GMDS: variants seen among roughly 807,000 people sequenced by gnomAD.
GMDS encodes GDP-mannose 4,6 dehydratase.
Under a neutral mutation model 49.9 loss-of-function variants are expected in GMDS, and 20 were observed. The observed-to-expected ratio is 0.40, with a 90% CI of 0.28 to 0.58. The LOEUF (loss-of-function observed/expected upper bound fraction) is 0.58, where lower values mean the gene tolerates loss of function less well. GMDS is among the 20% of genes least tolerant of loss of function. GMDS has a pLI of 0.42. For missense variants in GMDS, 362 were observed against 481.4 expected (o/e 0.75, Z 2.32); for synonymous variants, 177 against 178.6 (o/e 0.99, Z 0.07).
At chr6:1,864,645 A>G (rs1482065978) in intron 7 of GMDS, among the ~76,000 whole-genome samples, 1 of 152,214 alleles carries the variant, frequency 6.6e-6, no homozygotes, top group Non-Finnish European at 1.5e-5. Context: ...TCAGGATAAA[A>G]TGGGAAAAAT....
intron 7 of GMDS, among the ~76,000 whole-genome samples, chr6:1,768,657 T>C (rs952309663): frequency 6.6e-6 from 1 of 152,388 alleles, no homozygotes; most frequent in Non-Finnish European, 1.5e-5. Context: ...CCAAAGGACA[T>C]GCTCATTGGA....
At chr6:2,140,052 G>A (rs550581688) in intron 1 of GMDS, among the ~76,000 whole-genome samples, 9 of 152,232 alleles carry the variant, frequency 5.9e-5, no homozygotes, top group Admixed American at 5.9e-4. Context: ...GCTAAAAAAT[G>A]GCCCCCAAAA....
At chr6:1,794,641 T>C (rs939481249) in intron 7 of GMDS, among the ~76,000 whole-genome samples, 4 of 152,214 alleles carry the variant, frequency 2.6e-5, no homozygotes, top group African/African-American at 9.6e-5. Context: ...TTTTCAAAAC[T>C]TCCTCTCAAC....
intron 4 of GMDS, among the ~76,000 whole-genome samples, chr6:2,025,491 C>T (rs1768539867): frequency 6.6e-6 from 1 of 151,024 alleles, no homozygotes; most frequent in Non-Finnish European, 1.5e-5. Flanking sequence ...AACCAATACA[C>T]ATGCACACAC....
intron 9 of GMDS, among the ~76,000 whole-genome samples, chr6:1,663,826 C>CT (rs763470508): frequency 7.0e-4 from 106 of 152,256 alleles, no homozygotes; most frequent in Non-Finnish European, 1.2e-3. Flanking sequence ...CTTTACCCTG[C>CT]TTTATTTTTC....
intron 4 of GMDS, among the ~76,000 whole-genome samples, chr6:2,047,681 G>T (rs961885707): frequency 2.0e-5 from 3 of 151,926 alleles, no homozygotes; most frequent in South Asian, 2.1e-4. Context: ...TAGAGATGGG[G>T]TCTCGCCATG....
chr6:1,776,228 C>T lies in GMDS; in HGVS notation c.772-33642G>A, dbSNP rs141906124. On this transcript the variant is annotated intron_variant, in intron 7 of 10. Transcript: ENST00000380815. ...GAATAAAGACCATTTCTCTTTCCAT[C>T]GAGTTTGGAAAGTCAGAGGACAGTT... Among the ~76,000 whole-genome samples, 1,003 of 152,316 alleles carry T rather than the reference C, an allele frequency of 6.6e-3. 10 individuals are homozygous for T. Among genetic ancestry groups the T allele is most frequent in the African/African-American group, 0.023 (942 of 41,574 alleles).
intron 6 of GMDS, 165 bp from the exon 7 acceptor site, chr6:1,930,395 G>A (rs1450865681): frequency 1.8e-6 from 1 of 544,160 alleles, no homozygotes; most frequent in African/African-American, 1.9e-5. Context: ...ATCATTAACT[G>A]TCATTTAGAC....
chr6:2,033,870 C>T (rs1769120932), intron 4 of GMDS, among the ~76,000 whole-genome samples: 1 of 152,146 alleles, frequency 6.6e-6, no homozygotes, highest in African/African-American at 2.4e-5. Context: ...CAAAATGTTT[C>T]TAATATGGCC....
chr6:1,912,274 G>A (rs776017258), intron 7 of GMDS, among the ~76,000 whole-genome samples: 13 of 152,142 alleles, frequency 8.5e-5, no homozygotes, highest in Non-Finnish European at 1.3e-4. Flanking sequence ...GCTGAGGCAC[G>A]ACAATGGCTT....
chr6:1,662,439 G>C (rs1445382317), intron 9 of GMDS, among the ~76,000 whole-genome samples: 1 of 152,122 alleles, frequency 6.6e-6, no homozygotes, highest in Non-Finnish European at 1.5e-5. Context: ...GTGTGTGCTG[G>C]GGGCTCCACT....
intron 9 of GMDS, among the ~76,000 whole-genome samples, chr6:1,681,751 G>A (rs989290366): frequency 3.9e-5 from 6 of 152,252 alleles, no homozygotes; most frequent in African/African-American, 1.4e-4. Context: ...CTGGAGTGCA[G>A]TGGCACGATC....
chr6:1,723,983 C>A (rs919788434), intron 9 of GMDS, among the ~76,000 whole-genome samples: 1 of 152,150 alleles, frequency 6.6e-6, no homozygotes, highest in Admixed American at 6.5e-5. Context: ...AATATTCTCA[C>A]CCCTGAGGCA....
At chr6:1,797,098 G>A (rs945164420) in intron 7 of GMDS, among the ~76,000 whole-genome samples, 3 of 152,196 alleles carry the variant, frequency 2.0e-5, no homozygotes, top group Admixed American at 1.3e-4. Context: ...GCCTGCAAGC[G>A]AGCATTACTG....
At chr6:1,975,739 G>A (rs974769818) in intron 4 of GMDS, among the ~76,000 whole-genome samples, 48 of 152,262 alleles carry the variant, frequency 3.2e-4, no homozygotes, top group Non-Finnish European at 2.4e-4. Flanking sequence ...ACCATTTGAA[G>A]ACAATGCATT....
intron 4 of GMDS, among the ~76,000 whole-genome samples, chr6:2,094,990 A>G (rs548828718): frequency 6.6e-6 from 1 of 152,274 alleles, no homozygotes; most frequent in East Asian, 1.9e-4. Flanking sequence ...TTTTCTCACT[A>G]AGAATCAAAT....
At position 1,766,772 on chromosome 6, in the gene GMDS, C is replaced by T. The variant is rs998946946; in HGVS notation, c.772-24186G>A. ...TGCACATCGAACATGCTAAAAACTG[C>T]GTTATGTTTTTTAAAAACCCAACAA... is the stretch of plus-strand genomic sequence containing the variant. On this transcript the variant is annotated intron_variant, in intron 7 of 10. Coordinates refer to ENST00000380815, the MANE Select transcript of GMDS (RefSeq NM_001500.4). This position sits in a 1 kb window ranked among gnomAD's most constrained non-coding sequence, Gnocchi z 4.5. 5.3e-5 allele frequency among the ~76,000 whole-genome samples: 8 copies of T among 152,190 alleles called. No individual in the cohort carries two copies. Among genetic ancestry groups the T allele is most frequent in the South Asian group, 4.1e-4 (2 of 4,832 alleles).
chr6:2,112,088 A>G (rs1774579365), intron 4 of GMDS, among the ~76,000 whole-genome samples: 2 of 152,208 alleles, frequency 1.3e-5, no homozygotes. Flanking sequence ...CAGCATAAAC[A>G]GTGGTATGGA....
chr6:2,235,519 A>ATC (rs1781316072), intron 1 of GMDS, among the ~76,000 whole-genome samples: 1 of 152,078 alleles, frequency 6.6e-6, no homozygotes, highest in Non-Finnish European at 1.5e-5. Flanking sequence ...TAAGAGGAAA[A>ATC]CTGGGGCCAG....
Sources: gnomAD v4.1 joint callset for allele counts (sites outside exome capture counted in the v4.1 genomes callset) on GRCh38, gnomAD v4.1.1 for gene constraint, Gnocchi (gnomAD v3.1) non-coding constraint, MANE v1.5 for transcripts, NCBI Gene and HGNC (gene_info 2026-07-23, HGNC 2026-07-21) for gene names.